Variants in EPHB4 observed in about 807,000 individuals in gnomAD.
EPHB4 encodes ephrin type-B receptor 4.
Under a neutral mutation model 110.6 loss-of-function variants are expected in EPHB4, and 50 were observed. The observed-to-expected ratio is 0.45, with a 90% CI of 0.36 to 0.57. The LOEUF is 0.57. Among genes scored for constraint, EPHB4 ranks in the 20% least tolerant of loss-of-function variants. The probability of loss-of-function intolerance (pLI) is 0.00; values close to 1 mark genes in which losing one functional copy is unlikely to be tolerated. For synonymous variants in EPHB4, 592 were observed against 578.4 expected (o/e 1.02, Z -0.34); for missense variants, 1,128 against 1,382.1 (o/e 0.82, Z 2.91).
intron 6 of EPHB4, among the ~76,000 whole-genome samples, chr7:100,819,066 C>G (rs1813153457): frequency 6.6e-6 from 1 of 152,070 alleles, no homozygotes; most frequent in Admixed American, 6.6e-5. Context: ...CCTTCCTGTA[C>G]TTAACTCTCC....
At position 100,805,321 on chromosome 7, in the gene EPHB4, C is replaced by T. The variant is rs1344157914; in HGVS notation, c.2679G>A (p.Gly893=). ...SLKIVARENG[G]ASHPLLDQRQ... is the part of the protein sequence containing the mutation. ...GCTGGTCCAGGAGAGGGTGTGAGGCCCTAGGGGGCAAGGATGGGGAGGAAT... is the reference window on the plus strand; with the variant it reads ...GCTGGTCCAGGAGAGGGTGTGAGGCTCTAGGGGGCAAGGATGGGGAGGAAT... The change falls in exon 16 of 17, where the codon GGG becomes GGA. Residue 893 remains glycine, a splice_region_variant and synonymous_variant. Coordinates refer to ENST00000358173, the MANE Select transcript of EPHB4 (RefSeq NM_004444.5). 17 of 1,613,660 alleles carry T rather than the reference C, an allele frequency of 1.1e-5. No individual in the cohort carries two copies. The highest frequency in any genetic ancestry group is 1.4e-5 in the Non-Finnish European group (17 of 1,179,880).
chr7:100,825,072 G>C (rs1194907550), intron 1 of EPHB4: 1 of 151,416 alleles, frequency 6.6e-6, no homozygotes, highest in African/African-American at 2.4e-5. Flanking sequence ...GTGGAGGAGG[G>C]AGGGTACAGG....
Position 100,805,539 on chromosome 7 carries a change from G to C in EPHB4, c.2640C>G (p.Asn880Lys). Residue 880 changes from asparagine (N) to lysine (K), a missense_variant, in exon 15 of 17, where the codon AAC becomes AAG. By Grantham distance (94) the Asn-to-Lys change is moderately conservative. Coordinates refer to ENST00000358173, the MANE Select transcript of EPHB4 (RefSeq NM_004444.5). ...GGGCCACGATTTTGAGGCTGGCGGG[G>C]TTCCGGATCATCTTGTCCAGGGCGC... ...VVSALDKMIR[N>K]PASLKIVARE... 1 of 1,527,286 alleles carries C rather than the reference G, an allele frequency of 6.5e-7. No individual in the cohort carries two copies. Among genetic ancestry groups the C allele is most frequent in the Non-Finnish European group, 8.8e-7 (1 of 1,138,014 alleles). The allele number at this position is 1,527,286 out of a possible 1,614,324, so 94.6% of individuals were successfully genotyped here. A position where few individuals can be genotyped will look rare whatever the true frequency, so the allele number is the denominator to read the frequency against.
chr7:100,819,445 A>C (rs1403957483), intron 6 of EPHB4, 112 bp downstream of exon 6: 6 of 1,249,306 alleles, frequency 4.8e-6, no homozygotes, highest in Non-Finnish European at 6.6e-6. Context: ...CCAAAGCCTT[A>C]GCCCCTCACA....
rs751720306 is a variant in EPHB4 at position 100,822,730 on chromosome 7, G to C, written c.412-63C>G. On this transcript the variant is annotated intron_variant, in intron 3 of 16. Coordinates refer to ENST00000358173, the MANE Select transcript of EPHB4 (RefSeq NM_004444.5). The surrounding 1 kb of genome is among the most constrained non-coding windows in gnomAD (Gnocchi z 4.7). ...CTCCCTGAGGACCCAGCGGACTGTT[G>C]TGTTCTTCCCAGCTCACCCTCCCGG... The C allele has an allele frequency of 6.9e-7, 1 of 1,451,808 alleles. No homozygotes were observed. The highest frequency in any genetic ancestry group is 1.4e-5 in the African/African-American group (1 of 70,618). 89.9% of individuals were successfully genotyped at this position (1,451,808 alleles called of 1,614,324 possible). A position where few individuals can be genotyped will look rare whatever the true frequency, so the allele number is the denominator to read the frequency against.
chr7:100,812,462 G>A (rs1398003343), intron 12 of EPHB4, among the ~76,000 whole-genome samples: 2 of 152,090 alleles, frequency 1.3e-5, no homozygotes, highest in African/African-American at 2.4e-5. Flanking sequence ...GGTGGTGCAT[G>A]CCTATAGTAC....
At chr7:100,824,043 C>G in intron 2 of EPHB4, 112 bp from the exon 3 acceptor site, 1 of 1,510,914 alleles carries the variant, frequency 6.6e-7, no homozygotes, top group Non-Finnish European at 8.9e-7. Context: ...GCTGGTACTG[C>G]GAGGAGGGCG....
At chr7:100,815,334 A>T (rs1813043090) in intron 8 of EPHB4, among the ~76,000 whole-genome samples, 1 of 152,090 alleles carries the variant, frequency 6.6e-6, no homozygotes. Flanking sequence ...AAAACAAACA[A>T]AAAACAAACC....
intron 6 of EPHB4, among the ~76,000 whole-genome samples, chr7:100,819,226 C>T (rs1389983957): frequency 6.6e-6 from 1 of 152,146 alleles, no homozygotes; most frequent in Non-Finnish European, 1.5e-5. Flanking sequence ...AATCCTCCTG[C>T]CTCAGCCTCT....
At position 100,819,562 on chromosome 7, in the gene EPHB4, C is replaced by A; in HGVS notation, c.1292G>T (p.Arg431Leu). The A allele has an allele frequency of 6.4e-7, 1 of 1,556,382 alleles. No homozygotes were observed. The highest frequency in any genetic ancestry group is 8.7e-7 in the Non-Finnish European group (1 of 1,145,544). The stretch of plus-strand genomic sequence containing the variant: ...CCCCAGCCCCCAAGTCTCACCCTCT[C>A]GGTCAGTGGTGACATTGACAGGCTC... ...PFEPVNVTTD[R>L]EVPPAVSDIR... Residue 431 changes from arginine (R) to leucine (L), a missense_variant, in exon 6 of 17, where the codon CGA (arginine) becomes CTA (leucine). Around this residue, in one of 3 missense-constraint regions of EPHB4, gnomAD observed 728 missense variants for 828.6 expected, o/e 0.88. Transcript: ENST00000358173.
intron 1 of EPHB4, among the ~76,000 whole-genome samples, chr7:100,826,499 TG>T (rs1403048654): frequency 2.6e-5 from 4 of 152,006 alleles, no homozygotes; most frequent in Non-Finnish European, 5.9e-5. Flanking sequence ...TGCAGGAGTG[TG>T]GAACTGGAGG....
rs1337949776 is a variant in EPHB4 at position 100,805,702 on chromosome 7, G to A, written c.2485-8C>T. 1.4e-6 allele frequency: 2 copies of A among 1,460,632 alleles called. No individual in the cohort carries two copies. Among genetic ancestry groups the A allele is most frequent in the Non-Finnish European group, 9.0e-7 (1 of 1,106,610 alleles). The allele number at this position is 1,460,632 out of a possible 1,614,324, so 90.5% of individuals were successfully genotyped here. A position where few individuals can be genotyped will look rare whatever the true frequency, so the allele number is the denominator to read the frequency against. On this transcript the variant is annotated splice_polypyrimidine_tract_variant and splice_region_variant and intron_variant, in intron 14 of 16. Transcript: ENST00000358173. Reference sequence around the variant, plus strand: ...TTCAATGGCATTGATCACCTGGAAAGAGGGGAAGAAGCTCTGGGTGAGGCT... The same window carrying A: ...TTCAATGGCATTGATCACCTGGAAAAAGGGGAAGAAGCTCTGGGTGAGGCT...
intron 14 of EPHB4, 75 bp downstream of exon 14, chr7:100,806,345 G>C (rs1812816944): frequency 6.5e-7 from 1 of 1,530,914 alleles, no homozygotes. Context: ...TGACTCTCTG[G>C]GAACCCACCC....
At chr7:100,826,762 A>T in intron 1 of EPHB4, 1 of 497,060 alleles carries the variant, frequency 2.0e-6, no homozygotes, top group Non-Finnish European at 3.6e-6. Flanking sequence ...GGTCGTAGCC[A>T]GACTCCATCT....
Position 100,823,800 on chromosome 7 carries a change from G to A in EPHB4, c.255C>T (p.His85=), listed in dbSNP as rs947051923. ...TGWVPRRGAV[H]VYATLRFTML... is the part of the protein sequence containing the mutation. ...TGGTGAAGCGCAGCGTGGCGTACAC[G>A]TGGACGGCGCCCCGCCGTGGGACCC... Residue 85 remains histidine, a synonymous_variant, in exon 3 of 17, where the codon CAC becomes CAT. Coordinates refer to ENST00000358173, the MANE Select transcript of EPHB4 (RefSeq NM_004444.5). The A allele has an allele frequency of 6.8e-6, 11 of 1,613,220 alleles. No homozygotes were observed. The highest frequency in any genetic ancestry group is 1.6e-4 in the Middle Eastern group (1 of 6,080).
intron 6 of EPHB4, 90 bp from the exon 7 acceptor site, chr7:100,818,734 G>A: frequency 1.4e-6 from 2 of 1,438,314 alleles, no homozygotes; most frequent in Non-Finnish European, 1.8e-6. Flanking sequence ...ACGGAGTCGT[G>A]CTCTATCACC....
chr7:100,805,102 C>A, intron 16 of EPHB4, 64 bp downstream of exon 16: 1 of 1,552,862 alleles, frequency 6.4e-7, no homozygotes, highest in South Asian at 1.2e-5. Flanking sequence ...CCCTGGAGAC[C>A]CCGTGGGCCT....
chr7:100,826,997 A>G lies in EPHB4; in HGVS notation c.34T>C (p.Leu12=), dbSNP rs1813422984. 4 of 1,575,954 alleles carry G rather than the reference A, an allele frequency of 2.5e-6. No homozygotes were observed. The East Asian group carries it at 7.2e-5, about 28-fold the overall frequency. ...AACTCACCTTCCAAAGCTGCGGCCA[A>G]CGAAGCCCAGCAGAGCAGCACCCGG... ...ELRVLLCWAS[L]AAALEETLLN... The change falls in exon 1 of 17, where the codon TTG becomes CTG. Residue 12 remains leucine (L), a synonymous_variant. Transcript: ENST00000358173.
intron 1 of EPHB4, 22 bp downstream of exon 1, chr7:100,826,957 C>T (rs1333455758): frequency 6.5e-7 from 1 of 1,538,688 alleles, no homozygotes; most frequent in Admixed American, 2.0e-5. Flanking sequence ...CGGGGTGCGC[C>T]CCCCCCCGCA....
Sources: gnomAD v4.1 joint callset for allele counts (sites outside exome capture counted in the v4.1 genomes callset) on GRCh38, gnomAD v4.1.1 for gene constraint, gnomAD v4.1.1 regional missense constraint, Gnocchi (gnomAD v3.1) non-coding constraint, MANE v1.5 for transcripts, NCBI Gene and HGNC (gene_info 2026-07-23, HGNC 2026-07-21) for gene names.